SHROOM4: variants seen among roughly 807,000 people sequenced by gnomAD.
The protein encoded by SHROOM4 is protein Shroom4.
Under a neutral mutation model 80.3 loss-of-function variants are expected in SHROOM4, and 17 were observed. The observed-to-expected ratio is 0.21, with a 90% CI of 0.14 to 0.32. The LOEUF is 0.32. Ranked by LOEUF, SHROOM4 falls within the 10% of genes least tolerant of loss-of-function variation. SHROOM4 has a pLI of 1.00. For synonymous variants in SHROOM4, 400 were observed against 437.5 expected, an observed-to-expected ratio of 0.91 and a Z score of 1.07; for missense variants, 993 against 1,140.3, an observed-to-expected ratio of 0.87 and a Z score of 1.86.
At chrX:50,741,984 T>C (rs2147576208) in intron 1 of SHROOM4, among the ~76,000 whole-genome samples, 1 of 111,415 alleles carries the variant, frequency 9.0e-6, no homozygotes, top group East Asian at 2.8e-4. Flanking sequence ...TGCTTTCTAA[T>C]CTAGTGTCTT....
At chrX:50,736,872 G>A (rs1934507146) in intron 1 of SHROOM4, among the ~76,000 whole-genome samples, 1 of 112,038 alleles carries the variant, frequency 8.9e-6, no homozygotes, top group Admixed American at 9.5e-5. Context: ...CAGTATAAAA[G>A]CAATAAATCT....
At chrX:50,716,312 A>G (rs1414446614) in intron 1 of SHROOM4, among the ~76,000 whole-genome samples, 1 of 111,385 alleles carries the variant, frequency 9.0e-6, no homozygotes, top group African/African-American at 3.3e-5. Context: ...AGTTAGAACA[A>G]TGTATCATAT....
chrX:50,738,198 T>C (rs1485626809), intron 1 of SHROOM4, among the ~76,000 whole-genome samples: 29 of 111,208 alleles, frequency 2.6e-4, no homozygotes, highest in African/African-American at 8.5e-4. Context: ...AAGAGCTATT[T>C]ATGACAAACC....
At chrX:50,720,630 T>C (rs1934084278) in intron 1 of SHROOM4, among the ~76,000 whole-genome samples, 1 of 111,992 alleles carries the variant, frequency 8.9e-6, no homozygotes, top group Non-Finnish European at 1.9e-5. Context: ...GACTCTATCA[T>C]GTAGGTTCTT....
chrX:50,718,985 G>A (rs1161983674), intron 1 of SHROOM4, among the ~76,000 whole-genome samples: 3 of 111,691 alleles, frequency 2.7e-5, no homozygotes, highest in African/African-American at 9.8e-5. Context: ...GGCCTGCCAA[G>A]AAAAATTCAT....
chrX:50,749,888 G>C (rs1438871025), intron 1 of SHROOM4, among the ~76,000 whole-genome samples: 1 of 111,437 alleles, frequency 9.0e-6, no homozygotes, highest in Non-Finnish European at 1.9e-5. Flanking sequence ...CCGCAGACTG[G>C]GCTGTGCGCT....
intron 1 of SHROOM4, among the ~76,000 whole-genome samples, chrX:50,720,569 A>G (rs1262327578): frequency 8.9e-6 from 1 of 112,534 alleles, no homozygotes; most frequent in East Asian, 2.8e-4. Context: ...CATTTTACAG[A>G]TGAAGAAACT....
intron 1 of SHROOM4, among the ~76,000 whole-genome samples, chrX:50,781,417 C>A (rs1935623593): frequency 9.0e-6 from 1 of 111,582 alleles, no homozygotes; most frequent in South Asian, 3.9e-4. Context: ...GTCCACAGGA[C>A]ACTTCCAGGG....
chrX:50,607,609 T>C lies in SHROOM4; in HGVS notation c.3533A>G (p.Glu1178Gly), dbSNP rs369531430. 111 of 1,209,256 alleles carry C rather than the reference T, an allele frequency of 9.2e-5. No homozygotes were observed. The African/African-American group carries it at 1.8e-3, about 20-fold the overall frequency. The change falls in exon 6 of 9, where the codon GAG becomes GGG. Residue 1178 changes from glutamate to glycine, a missense_variant. Glu to Gly is a moderately conservative substitution (Grantham distance 98, BLOSUM62 -2). Transcript: ENST00000376020. ...TSGSCALNPEEVLEQPQPLSF... is the reference protein window; with the variant it reads ...TSGSCALNPEGVLEQPQPLSF... ...GAGGGGTTGTGGCTGCTCTAGGACC[T>C]CCTCAGGATTGAGAGCACAGGAACC...
At chrX:50,652,494 G>C (rs1932138234) in intron 2 of SHROOM4, among the ~76,000 whole-genome samples, 2 of 111,467 alleles carry the variant, frequency 1.8e-5, no homozygotes, top group South Asian at 7.5e-4. Context: ...TGGATAGATT[G>C]CAAAAATTTT....
At chrX:50,695,332 A>G (rs1394181093) in intron 2 of SHROOM4, among the ~76,000 whole-genome samples, 1 of 111,492 alleles carries the variant, frequency 9.0e-6, no homozygotes, top group Non-Finnish European at 1.9e-5. Context: ...TCACATGTGT[A>G]TATTTTGTCC....
chrX:50,789,882 T>C (rs782176255), intron 1 of SHROOM4, among the ~76,000 whole-genome samples: 1 of 111,971 alleles, frequency 8.9e-6, no homozygotes, highest in East Asian at 2.8e-4. Context: ...TGTCATAAGG[T>C]GATTTCATCA....
intron 1 of SHROOM4, among the ~76,000 whole-genome samples, chrX:50,753,088 AGTTCT>A (rs782201585): frequency 2.7e-5 from 3 of 111,965 alleles, no homozygotes; most frequent in South Asian, 7.5e-4. Flanking sequence ...ACTATTAGCT[AGTTCT>A]TTGTTGGTCT....
chrX:50,676,936 T>C (rs1932862025), intron 2 of SHROOM4, among the ~76,000 whole-genome samples: 1 of 111,882 alleles, frequency 8.9e-6, no homozygotes, highest in South Asian at 3.7e-4. Flanking sequence ...AAATATTTCC[T>C]GCTTAAAGAA....
At chrX:50,760,282 T>A (rs1257269604) in intron 1 of SHROOM4, among the ~76,000 whole-genome samples, 1 of 110,258 alleles carries the variant, frequency 9.1e-6, no homozygotes, top group Non-Finnish European at 1.9e-5. Flanking sequence ...ATTTTCCTGA[T>A]TAATTGACCC....
At chrX:50,598,833 G>C (rs782195470) in intron 7 of SHROOM4, among the ~76,000 whole-genome samples, 11 of 106,628 alleles carry the variant, frequency 1.0e-4, no homozygotes, top group African/African-American at 3.4e-4. Context: ...CTGGCACTTT[G>C]TTTTTTTTTT....
chrX:50,806,193 A>G (rs1158432765), intron 1 of SHROOM4, among the ~76,000 whole-genome samples: 1 of 111,807 alleles, frequency 8.9e-6, no homozygotes, highest in East Asian at 2.8e-4. Flanking sequence ...AGGACAGCCT[A>G]GATGCATGGA....
At chrX:50,745,011 C>T (rs1478159035) in intron 1 of SHROOM4, among the ~76,000 whole-genome samples, 1 of 111,862 alleles carries the variant, frequency 8.9e-6, no homozygotes, top group Non-Finnish European at 1.9e-5. Context: ...TGCTTTCATA[C>T]TTCAGGAAGT....
chrX:50,631,190 T>G (rs1028429649), intron 4 of SHROOM4, among the ~76,000 whole-genome samples: 1 of 111,506 alleles, frequency 9.0e-6, no homozygotes, highest in Non-Finnish European at 1.9e-5. Context: ...GGATAATACA[T>G]CATGACCAAG....
Sources: allele counts gnomAD v4.1 joint callset (sites outside exome capture counted in the v4.1 genomes callset), GRCh38; gene constraint gnomAD v4.1.1; transcripts MANE v1.5; gene names NCBI Gene and HGNC (gene_info 2026-07-23, HGNC 2026-07-21).